Variants in TNFRSF1B observed in about 807,000 individuals in gnomAD.
TNFRSF1B encodes the protein TNF receptor superfamily member 1B.
In TNFRSF1B, 19 loss-of-function variants were observed where a neutral mutation model predicts 44.6. The ratio of observed to expected loss-of-function variants is 0.43; its 90% CI spans 0.30 to 0.62. The LOEUF (loss-of-function observed/expected upper bound fraction) is 0.62. TNFRSF1B is among the 20% of genes least tolerant of loss of function. The probability of loss-of-function intolerance (pLI) is 0.16; values close to 1 mark genes in which losing one functional copy is unlikely to be tolerated. For synonymous variants in TNFRSF1B, 252 were observed against 261.1 expected, an observed-to-expected ratio of 0.97 and a Z score of 0.34; for missense variants, 541 against 619.9, an observed-to-expected ratio of 0.87 and a Z score of 1.35.
intron 1 of TNFRSF1B, among the ~76,000 whole-genome samples, chr1:12,176,349 G>A (rs1044137620): frequency 6.6e-6 from 1 of 152,220 alleles, no homozygotes; most frequent in East Asian, 1.9e-4. Flanking sequence ...TAAGTTTAGG[G>A]CCAGTTTATG....
Position 12,192,497 on chromosome 1 carries a change from C to T in TNFRSF1B, c.524C>T (p.Ser175Phe). 1 of 1,614,150 alleles carries T rather than the reference C, an allele frequency of 6.2e-7. No homozygotes were observed. Among genetic ancestry groups the T allele is most frequent in the Non-Finnish European group, 8.5e-7 (1 of 1,180,012 alleles). ...GGGACGTTCTCCAACACGACTTCATCCACGGATATTTGCAGGCCCCACCAG... is the reference window on the plus strand; with the variant it reads ...GGGACGTTCTCCAACACGACTTCATTCACGGATATTTGCAGGCCCCACCAG... ...APGTFSNTTS[S>F]TDICRPHQIC... The change falls in exon 5 of 10, where the codon TCC (serine) becomes TTC (phenylalanine). Residue 175 changes from serine to phenylalanine, a missense_variant. Transcript: ENST00000376259.
intron 8 of TNFRSF1B, among the ~76,000 whole-genome samples, chr1:12,196,138 T>G (rs1639261085): frequency 6.6e-6 from 1 of 151,936 alleles, no homozygotes; most frequent in African/African-American, 2.4e-5. Context: ...CCATCTCTAC[T>G]AAAAACAGAA....
rs768438719 is a variant in TNFRSF1B, at chr1:12,188,909, C to T, written c.178+14C>T. ...AATGCTCGCCGGGTGAGGGCAGCCA[C>T]GGGGGCACTCGGGGCCCATGCCCTG... is the stretch of plus-strand genomic sequence containing the variant. On this transcript the variant is annotated intron_variant, in intron 2 of 9. Transcript: ENST00000376259. The T allele has an allele frequency of 9.9e-6, 16 of 1,608,452 alleles. No individual in the cohort carries two copies. Among genetic ancestry groups the T allele is most frequent in the African/African-American group, 6.7e-5 (5 of 74,884 alleles).
In TNFRSF1B at chr1:12,168,391, G is replaced by A. The variant is rs1262063840; in HGVS notation, c.78+1222G>A. Among the ~76,000 whole-genome samples the A allele has an allele frequency of 6.6e-6, 1 of 152,236 alleles. No homozygotes were observed. Among genetic ancestry groups the A allele is most frequent in the Non-Finnish European group, 1.5e-5 (1 of 68,024 alleles). On this transcript the variant is annotated intron_variant, in intron 1 of 9. Transcript: ENST00000376259. This position sits in a 1 kb window ranked among gnomAD's most constrained non-coding sequence, Gnocchi z 4.7. ...TAGAATTGACTCACCGACAGTGGGT[G>A]TCAGGAGTGGGTCCTGGAGAACTGC...
chr1:12,195,303 A>T (rs590977), intron 8 of TNFRSF1B, among the ~76,000 whole-genome samples: 7 of 152,202 alleles, frequency 4.6e-5, no homozygotes, highest in East Asian at 1.9e-4. Flanking sequence ...CCAAACCTAC[A>T]GGTGACTTTA....
At position 12,203,691 on chromosome 1, in the gene TNFRSF1B, CTCTTAG is replaced by C. The variant is rs1374198541; in HGVS notation, c.1105+1525_1105+1530del. Among the ~76,000 whole-genome samples, 10 of 152,318 alleles carry C rather than the reference CTCTTAG, an allele frequency of 6.6e-5. No individual in the cohort carries two copies. In the East Asian group the frequency reaches 1.9e-3, roughly 29 times the overall value. ...TGAATGAGTGCGCTCCAATTATAAA[CTCTTAG>C]TCTTTGCCCAGTTCTTGGATTCGTC... is the stretch of plus-strand genomic sequence containing the variant. On this transcript the variant is annotated intron_variant, in intron 9 of 9. Transcript: ENST00000376259.
At chr1:12,183,826 C>CCTACCTATCTGTCTATCTATCTATCTAT (rs1553163505) in intron 1 of TNFRSF1B, among the ~76,000 whole-genome samples, 3 of 124,386 alleles carry the variant, frequency 2.4e-5, no homozygotes, top group African/African-American at 8.9e-5. Context: ...ATTCTATCTA[C>CCTACCTATCTGTCTATCTATCTATCTAT]CTATCTATCT....
intron 1 of TNFRSF1B, among the ~76,000 whole-genome samples, chr1:12,183,686 ATCTATCTATCTATCTATCTATCTAT>A (rs1557628791): frequency 8.4e-6 from 1 of 118,874 alleles, no homozygotes; most frequent in Non-Finnish European, 2.0e-5. Flanking sequence ...CTATCTATCT[ATCTATCTATCTATCTATCTATCTAT>A]TCTATCTACC....
At chr1:12,167,568 GA>G in intron 1 of TNFRSF1B, 1 of 329,742 alleles carries the variant, frequency 3.0e-6, no homozygotes, top group Admixed American at 4.8e-5. Context: ...ACGCGGTGGA[GA>G]AGGGGCTGTG....
intron 9 of TNFRSF1B, among the ~76,000 whole-genome samples, chr1:12,205,768 C>T (rs980956036): frequency 2.0e-5 from 3 of 151,960 alleles, no homozygotes; most frequent in Admixed American, 6.6e-5. Context: ...ATTATAGGCA[C>T]CTGCCACCAT....
At position 12,206,928 on chromosome 1, in the gene TNFRSF1B, T is replaced by G. The variant is rs1257994903; in HGVS notation, c.1294T>G (p.Ser432Ala). The G allele has an allele frequency of 3.7e-6, 6 of 1,614,010 alleles. No homozygotes were observed. The East Asian group carries it at 1.3e-4, about 36-fold the overall frequency. ...CTCCAAGGAGGAATGTGCCTTTCGGTCACAGCTGGAGACGCCAGAGACCCT... is the reference window on the plus strand; with the variant it reads ...CTCCAAGGAGGAATGTGCCTTTCGGGCACAGCTGGAGACGCCAGAGACCCT... ...PFSKEECAFRSQLETPETLLG... is the reference protein window; with the variant it reads ...PFSKEECAFRAQLETPETLLG... The change falls in exon 10 of 10, where the codon TCA (serine) becomes GCA (alanine). Residue 432 changes from serine to alanine, a missense_variant. Transcript: ENST00000376259.
chr1:12,194,834 C>T (rs1451375168), intron 8 of TNFRSF1B, among the ~76,000 whole-genome samples: 1 of 152,222 alleles, frequency 6.6e-6, no homozygotes, highest in African/African-American at 2.4e-5. Flanking sequence ...GAGCAGATGC[C>T]TTCGTGGCGT....
At chr1:12,201,369 T>TTAAATGCCTA (rs1441698498) in intron 8 of TNFRSF1B, among the ~76,000 whole-genome samples, 1 of 151,412 alleles carries the variant, frequency 6.6e-6, no homozygotes, top group African/African-American at 2.4e-5. Flanking sequence ...TTGTATGGAG[T>TTAAATGCCTA]TTACTATGTA....
At chr1:12,172,072 C>T (rs1320537498) in intron 1 of TNFRSF1B, among the ~76,000 whole-genome samples, 1 of 152,148 alleles carries the variant, frequency 6.6e-6, no homozygotes, top group East Asian at 1.9e-4. Context: ...CTCGACATCC[C>T]TCGTGTAGTG....
chr1:12,171,799 C>T lies in TNFRSF1B; in HGVS notation c.78+4630C>T, dbSNP rs1297321204. On this transcript the variant is annotated intron_variant, in intron 1 of 9. Coordinates refer to ENST00000376259, the MANE Select transcript of TNFRSF1B (RefSeq NM_001066.3). This position sits in a 1 kb window ranked among gnomAD's most constrained non-coding sequence, Gnocchi z 4.5. ...AATATCTCCAGATATTGCTAAGTGT[C>T]CTTTGGGGTTGGGGGATTGCCCCTG... is the stretch of plus-strand genomic sequence containing the variant. 6.6e-6 allele frequency among the ~76,000 whole-genome samples: 1 copy of T among 152,186 alleles called. No homozygotes were observed. Among genetic ancestry groups the T allele is most frequent in the Non-Finnish European group, 1.5e-5 (1 of 68,040 alleles).
intron 1 of TNFRSF1B, among the ~76,000 whole-genome samples, chr1:12,185,812 C>G (rs1638974264): frequency 6.6e-6 from 1 of 152,178 alleles, no homozygotes; most frequent in South Asian, 2.1e-4. Context: ...CTACGCCCTG[C>G]TAGGCTGTGG....
At chr1:12,181,214 A>G (rs1638795844) in intron 1 of TNFRSF1B, among the ~76,000 whole-genome samples, 3 of 152,206 alleles carry the variant, frequency 2.0e-5, no homozygotes, top group African/African-American at 2.4e-5. Flanking sequence ...CTAACACCCC[A>G]CTAAAGCCGG....
chr1:12,194,866 G>A (rs1639232859), intron 8 of TNFRSF1B, among the ~76,000 whole-genome samples: 1 of 152,218 alleles, frequency 6.6e-6, no homozygotes, highest in Non-Finnish European at 1.5e-5. Flanking sequence ...ACGTGGTCGT[G>A]GACCCACAGC....
chr1:12,200,334 A>G (rs879788643), intron 8 of TNFRSF1B, among the ~76,000 whole-genome samples: 1 of 152,138 alleles, frequency 6.6e-6, no homozygotes, highest in African/African-American at 2.4e-5. Context: ...GGACTCTGGA[A>G]CAAGAGGCTG....
Sources: allele counts gnomAD v4.1 joint callset (sites outside exome capture counted in the v4.1 genomes callset), GRCh38; gene constraint gnomAD v4.1.1; non-coding constraint Gnocchi (gnomAD v3.1); transcripts MANE v1.5; gene names NCBI Gene and HGNC (gene_info 2026-07-23, HGNC 2026-07-21).